KIAA1143: variants seen among roughly 807,000 people sequenced by gnomAD.
The protein encoded by KIAA1143 is uncharacterized protein KIAA1143.
Under a neutral mutation model 17.0 loss-of-function variants are expected in KIAA1143, and 8 were observed. The observed-to-expected ratio is 0.47, with a 90% CI of 0.28 to 0.85. KIAA1143 has a LOEUF of 0.85. Among genes scored for constraint, KIAA1143 ranks in the 40% least tolerant of loss-of-function variants. The probability of loss-of-function intolerance (pLI) is 0.12; values close to 1 mark genes in which losing one functional copy is unlikely to be tolerated. For synonymous variants in KIAA1143, 64 were observed against 67.8 expected (o/e 0.94, Z 0.27); for missense variants, 162 against 183.3 (o/e 0.88, Z 0.67).
chr3:44,758,501 A>T (rs1471747911), intron 1 of KIAA1143, among the ~76,000 whole-genome samples: 1 of 152,212 alleles, frequency 6.6e-6, no homozygotes, highest in Non-Finnish European at 1.5e-5. Context: ...TTCCATCTCA[A>T]TAAACCACTT....
Position 44,751,145 on chromosome 3 carries a change from G to C in KIAA1143, c.*2196C>G, listed in dbSNP as rs571797461. 1 of 152,138 alleles carries C rather than the reference G, an allele frequency of 6.6e-6. No individual in the cohort carries two copies. Among genetic ancestry groups the C allele is most frequent in the Non-Finnish European group, 1.5e-5 (1 of 68,036 alleles). The allele number at this position is 152,138 out of a possible 1,614,324, so 9.4% of individuals were successfully genotyped here. A position where few individuals can be genotyped will look rare whatever the true frequency, so the allele number is the denominator to read the frequency against. ...GTGTGGGTAATCAGGCCCAGTATAT[G>C]GGACTGCAGTTTATTTTGAAGTTAG... On this transcript the variant is annotated 3_prime_UTR_variant, in exon 3 of 3. Coordinates refer to ENST00000296121, the MANE Select transcript of KIAA1143 (RefSeq NM_020696.4).
rs201826988 is a variant in KIAA1143, at chr3:44,761,584, C to A, written c.19G>T (p.Val7Leu). ...GGCTCGGCTGGCCGCACGTACGATACCTGGTTCCGCTTGCTCATGGTAGCT... is the reference window on the plus strand; with the variant it reads ...GGCTCGGCTGGCCGCACGTACGATAACTGGTTCCGCTTGCTCATGGTAGCT... MSKRNQ[V>L]SYVRPAEPAF... Residue 7 changes from valine (V) to leucine (L), a missense_variant, in exon 1 of 3, where the codon GTA (valine) becomes TTA (leucine). Coordinates refer to ENST00000296121, the MANE Select transcript of KIAA1143 (RefSeq NM_020696.4). 4 of 1,611,904 alleles carry A rather than the reference C, an allele frequency of 2.5e-6. No individual in the cohort carries two copies. The African/African-American group carries it at 5.4e-5, about 22-fold the overall frequency.
At position 44,761,482 on chromosome 3, in the gene KIAA1143, G is replaced by T. The variant is rs1705119793; in HGVS notation, c.108+13C>A. On this transcript the variant is annotated intron_variant, in intron 1 of 2. Coordinates refer to ENST00000296121, the MANE Select transcript of KIAA1143 (RefSeq NM_020696.4). ...GCTGCGCTTCCGAAGAAACACGACTGGCGAAGGCTCACCTTAGTCTCTACG... is the reference window on the plus strand; with the variant it reads ...GCTGCGCTTCCGAAGAAACACGACTTGCGAAGGCTCACCTTAGTCTCTACG... The T allele has an allele frequency of 1.9e-5, 31 of 1,600,966 alleles. No homozygotes were observed. Among genetic ancestry groups the T allele is most frequent in the Non-Finnish European group, 2.5e-5 (29 of 1,170,446 alleles).
chr3:44,753,958 A>C (rs1216062435), intron 2 of KIAA1143, among the ~76,000 whole-genome samples: 2 of 152,224 alleles, frequency 1.3e-5, no homozygotes, highest in African/African-American at 4.8e-5. Flanking sequence ...TCTATTTAAA[A>C]AAAAAAAATA....
intron 2 of KIAA1143, 56 bp from the exon 3 acceptor site, chr3:44,753,608 C>T: frequency 6.6e-7 from 1 of 1,514,880 alleles, no homozygotes; most frequent in Non-Finnish European, 9.0e-7. Flanking sequence ...TTGCCTTTAC[C>T]TTAGAAGCAA....
intron 1 of KIAA1143, among the ~76,000 whole-genome samples, chr3:44,759,909 A>AAAAAAAAAAAAAC (rs1705043068): frequency 6.7e-6 from 1 of 149,712 alleles, no homozygotes; most frequent in Non-Finnish European, 1.5e-5. Context: ...AAAAAAAAAA[A>AAAAAAAAAAAAAC]AAAAAAGTCC....
In KIAA1143 at chr3:44,753,321, TA is replaced by T; in HGVS notation, c.*19del. 6.4e-7 allele frequency: 1 copy of T among 1,561,722 alleles called. No individual in the cohort carries two copies. Among genetic ancestry groups the T allele is most frequent in the South Asian group, 1.1e-5 (1 of 89,420 alleles). ...CACTCCATATACTTTCAAAGTAGAC[TA>T]AATTCAAAATATTTACACTTACTCA... On this transcript the variant is annotated 3_prime_UTR_variant, in exon 3 of 3. Coordinates refer to ENST00000296121, the MANE Select transcript of KIAA1143 (RefSeq NM_020696.4).
intron 1 of KIAA1143, among the ~76,000 whole-genome samples, chr3:44,760,310 C>T (rs1705061345): frequency 6.6e-6 from 1 of 152,236 alleles, no homozygotes; most frequent in Non-Finnish European, 1.5e-5. Context: ...CCCTAGACAA[C>T]AATAGTCAGG....
chr3:44,760,284 AT>A (rs1282486470), intron 1 of KIAA1143, among the ~76,000 whole-genome samples: 2 of 152,224 alleles, frequency 1.3e-5, no homozygotes, highest in African/African-American at 2.4e-5. Flanking sequence ...CATGTGTTCA[AT>A]ACTGATCCCT....
intron 1 of KIAA1143, among the ~76,000 whole-genome samples, chr3:44,756,234 A>G (rs111418069): frequency 0.011 from 1,656 of 152,300 alleles, 28 homozygotes; most frequent in African/African-American, 0.037. Flanking sequence ...GCCACTGATG[A>G]CTGTTCAGAG....
chr3:44,759,929 T>C (rs998036216), intron 1 of KIAA1143, among the ~76,000 whole-genome samples: 4 of 117,052 alleles, frequency 3.4e-5, no homozygotes, highest in Admixed American at 8.8e-5. Context: ...CTAGATGGCA[T>C]CTTCTTCCAA....
rs184048019 is a variant in KIAA1143 at position 44,751,133 on chromosome 3, G to A, written c.*2208C>T. 1.2e-4 allele frequency: 19 copies of A among 152,182 alleles called. No homozygotes were observed. In the East Asian group the frequency reaches 3.7e-3, roughly 29 times the overall value. The allele number at this position is 152,182 out of a possible 1,614,324, so 9.4% of individuals were successfully genotyped here. A position where few individuals can be genotyped will look rare whatever the true frequency, so the allele number is the denominator to read the frequency against. ...TTGTTGCACTTTGTGTGGGTAATCA[G>A]GCCCAGTATATGGGACTGCAGTTTA... On this transcript the variant is annotated 3_prime_UTR_variant, in exon 3 of 3. Coordinates refer to ENST00000296121, the MANE Select transcript of KIAA1143 (RefSeq NM_020696.4).
intron 1 of KIAA1143, among the ~76,000 whole-genome samples, chr3:44,760,079 A>C (rs1007880472): frequency 4.6e-5 from 7 of 151,632 alleles, no homozygotes; most frequent in Non-Finnish European, 1.0e-4. Flanking sequence ...AACCTCATGA[A>C]CCAACCTCTG....
Position 44,748,985 on chromosome 3 carries a change from A to G in KIAA1143, c.*4356T>C, listed in dbSNP as rs1333251512. ...CAAGTGAGTATACATTAAAGACAGTATTGCAGAATGGCTTCAGGATTAATT... is the reference window on the plus strand; with the variant it reads ...CAAGTGAGTATACATTAAAGACAGTGTTGCAGAATGGCTTCAGGATTAATT... On this transcript the variant is annotated 3_prime_UTR_variant, in exon 3 of 3. Transcript: ENST00000296121. 1 of 152,242 alleles carries G rather than the reference A, an allele frequency of 6.6e-6. No individual in the cohort carries two copies. The highest frequency in any genetic ancestry group is 1.5e-5 in the Non-Finnish European group (1 of 68,046). The allele number at this position is 152,242 out of a possible 1,614,324, so 9.4% of individuals were successfully genotyped here.
At position 44,751,924 on chromosome 3, in the gene KIAA1143, GAAGA is replaced by G. The variant is rs1704896869; in HGVS notation, c.*1413_*1416del. ...CCCAAGTTAGCATGAAGCAGTTACA[GAAGA>G]AAGACCCTCAGTCTCTCAGCCTCCC... is the stretch of plus-strand genomic sequence containing the variant. On this transcript the variant is annotated 3_prime_UTR_variant, in exon 3 of 3. Transcript: ENST00000296121. The G allele has an allele frequency of 6.6e-6, 1 of 152,188 alleles. No homozygotes were observed. The highest frequency in any genetic ancestry group is 2.4e-5 in the African/African-American group (1 of 41,438). The allele number at this position is 152,188 out of a possible 1,614,324, so 9.4% of individuals were successfully genotyped here. A position where few individuals can be genotyped will look rare whatever the true frequency, so the allele number is the denominator to read the frequency against.
In KIAA1143 at chr3:44,761,552, A is replaced by T. The variant is rs765881782; in HGVS notation, c.51T>A (p.Phe17Leu). The part of the protein sequence containing the change: ...VSYVRPAEPA[F>L]LARFKERVGY... The stretch of plus-strand genomic sequence containing the variant: ...CGACCCGTTCCTTGAAGCGGGCCAG[A>T]AACGCCGGCTCGGCTGGCCGCACGT... Residue 17 changes from phenylalanine to leucine, a missense_variant, in exon 1 of 3, where the codon TTT becomes TTA. Phe to Leu is a conservative substitution (Grantham distance 22). Around this residue, in one of 2 missense-constraint regions of KIAA1143, gnomAD observed 137 missense variants for 132.5 expected, o/e 1.03. Coordinates refer to ENST00000296121, the MANE Select transcript of KIAA1143 (RefSeq NM_020696.4). The T allele has an allele frequency of 1.2e-6, 2 of 1,614,168 alleles. No homozygotes were observed. The highest frequency in any genetic ancestry group is 1.1e-5 in the South Asian group (1 of 91,078).
In KIAA1143 at chr3:44,751,996, G is replaced by C. The variant is rs937140298; in HGVS notation, c.*1345C>G. 6.6e-6 allele frequency: 1 copy of C among 152,082 alleles called. No individual in the cohort carries two copies. The highest frequency in any genetic ancestry group is 1.5e-5 in the Non-Finnish European group (1 of 68,010). The allele number at this position is 152,082 out of a possible 1,614,324, so 9.4% of individuals were successfully genotyped here. A position where few individuals can be genotyped will look rare whatever the true frequency, so the allele number is the denominator to read the frequency against. ...TCACGTCTCTCAGGGGGAAAATGAG[G>C]CAGGAGAATAGGGTCTGGAGACAGG... On this transcript the variant is annotated 3_prime_UTR_variant, in exon 3 of 3. Coordinates refer to ENST00000296121, the MANE Select transcript of KIAA1143 (RefSeq NM_020696.4).
chr3:44,760,624 C>T (rs538996358), intron 1 of KIAA1143, among the ~76,000 whole-genome samples: 6 of 151,262 alleles, frequency 4.0e-5, no homozygotes, highest in South Asian at 2.1e-4. Context: ...CTCCTGACCT[C>T]GTGATCTGCC....
At chr3:44,759,333 A>G (rs1705023009) in intron 1 of KIAA1143, among the ~76,000 whole-genome samples, 1 of 152,182 alleles carries the variant, frequency 6.6e-6, no homozygotes, top group Non-Finnish European at 1.5e-5. Context: ...ATATATTGAA[A>G]GAATCTTTTT....
Sources: gnomAD v4.1 joint callset for allele counts (sites outside exome capture counted in the v4.1 genomes callset) on GRCh38, gnomAD v4.1.1 for gene constraint, gnomAD v4.1.1 regional missense constraint, MANE v1.5 for transcripts, NCBI Gene and HGNC (gene_info 2026-07-23, HGNC 2026-07-21) for gene names.